The following RELA variants were observed in gnomAD, a reference collection of about 807,000 sequenced individuals.
The protein encoded by RELA is RELA proto-oncogene, NF-kB subunit, also known as transcription factor p65.
A neutral mutation model predicts 56.7 loss-of-function variants in RELA; 14 were observed. The ratio of observed to expected loss-of-function variants is 0.25; its 90% CI spans 0.16 to 0.39. The LOEUF (loss-of-function observed/expected upper bound fraction) is 0.39. RELA is among the 10% of genes least tolerant of loss of function. RELA has a pLI of 1.00. For synonymous variants in RELA, 315 were observed against 289.7 expected (o/e 1.09, Z -0.89); for missense variants, 559 against 736.4 (o/e 0.76, Z 2.79).
Position 65,658,273 on chromosome 11 carries a change from C to T in RELA, c.877+14G>A, listed in dbSNP as rs1038243151. The T allele has an allele frequency of 6.4e-7, 1 of 1,568,078 alleles. No homozygotes were observed. The highest frequency in any genetic ancestry group is 1.9e-5 in the Admixed American group (1 of 52,348). ...GAGCCCAGCTGCCCTGATGCTGCCA[C>T]CCCAGCTGTGTACCTGTATCTGGCA... On this transcript the variant is annotated intron_variant, in intron 8 of 10. Coordinates refer to ENST00000406246, the MANE Select transcript of RELA (RefSeq NM_021975.4). The surrounding 1 kb of genome is among the most constrained non-coding windows in gnomAD (Gnocchi z 4.5).
At chr11:65,659,521 C>G (rs1348384428) in intron 6 of RELA, 145 bp downstream of exon 6, 9 of 1,098,800 alleles carry the variant, frequency 8.2e-6, no homozygotes, top group South Asian at 7.2e-5. Context: ...CCCCAGCCAA[C>G]AAAGAGCTGG....
At chr11:65,656,574 C>T (rs1206200019) in intron 8 of RELA, among the ~76,000 whole-genome samples, 2 of 152,202 alleles carry the variant, frequency 1.3e-5, no homozygotes, top group African/African-American at 2.4e-5. Flanking sequence ...TCTCACTCCC[C>T]GCCAGTAACT....
In RELA at chr11:65,654,191, G is replaced by T; in HGVS notation, c.*187C>A. 2.5e-6 allele frequency: 2 copies of T among 789,146 alleles called. No individual in the cohort carries two copies. The highest frequency in any genetic ancestry group is 4.3e-6 in the Non-Finnish European group (2 of 463,056). 48.9% of individuals were successfully genotyped at this position (789,146 alleles called of 1,614,324 possible). Reference sequence around the variant, plus strand: ...CAGAGAAGTTAATGCTTCTGCTTAAGCACCTCCAAAAAGAGAGAGAGATAC... The same window carrying T: ...CAGAGAAGTTAATGCTTCTGCTTAATCACCTCCAAAAAGAGAGAGAGATAC... On this transcript the variant is annotated 3_prime_UTR_variant, in exon 11 of 11. Transcript: ENST00000406246.
chr11:65,655,503 T>C (rs766367328), intron 10 of RELA, 185 bp downstream of exon 10: 13 of 607,922 alleles, frequency 2.1e-5, no homozygotes, highest in Non-Finnish European at 3.2e-5. Context: ...AGAATTTAAG[T>C]GGCACGGTGG....
upstream of RELA, among the ~76,000 whole-genome samples, chr11:65,663,312 T>C (rs560590814): frequency 1.3e-5 from 2 of 152,326 alleles, no homozygotes; most frequent in East Asian, 1.9e-4. Flanking sequence ...CCGGGCCTTC[T>C]GCTCCGCAGA....
chr11:65,655,645 G>A lies in RELA; in HGVS notation c.1033+43C>T, dbSNP rs781641754. ...ATCTCCACTGCTCCTCAGCTGAACA[G>A]AGCTGAACCTGTCGTTCCAGTGGGA... On this transcript the variant is annotated intron_variant, in intron 10 of 10. Coordinates refer to ENST00000406246, the MANE Select transcript of RELA (RefSeq NM_021975.4). 8.6e-5 allele frequency: 135 copies of A among 1,571,594 alleles called. No individual in the cohort carries two copies. In the East Asian group the frequency reaches 3.0e-3, roughly 35 times the overall value.
At chr11:65,663,309 T>C (rs944236560), upstream of RELA, among the ~76,000 whole-genome samples, 2 of 152,198 alleles carry the variant, frequency 1.3e-5, no homozygotes, top group African/African-American at 4.8e-5. Context: ...CGACCGGGCC[T>C]TCTGCTCCGC....
chr11:65,656,031 T>C (rs1856419231), intron 8 of RELA, 96 bp from the exon 9 acceptor site: 2 of 1,005,722 alleles, frequency 2.0e-6, no homozygotes, highest in African/African-American at 3.2e-5. Context: ...GAGCCAGGCT[T>C]TCCCAAGACC....
chr11:65,656,466 A>T (rs1344806513), intron 8 of RELA, among the ~76,000 whole-genome samples: 2 of 152,168 alleles, frequency 1.3e-5, no homozygotes, highest in African/African-American at 4.8e-5. Context: ...CAACCTCATC[A>T]TCCCTCAAAA....
At chr11:65,655,567 A>G (rs1856400892) in intron 10 of RELA, 121 bp downstream of exon 10, 1 of 979,226 alleles carries the variant, frequency 1.0e-6, no homozygotes, top group Non-Finnish European at 1.6e-6. Context: ...TTCCTGCGCC[A>G]TCCTTTCAAA....
chr11:65,658,141 G>A lies in RELA; in HGVS notation c.877+146C>T. On this transcript the variant is annotated intron_variant, in intron 8 of 10. Coordinates refer to ENST00000406246, the MANE Select transcript of RELA (RefSeq NM_021975.4). This position sits in a 1 kb window ranked among gnomAD's most constrained non-coding sequence, Gnocchi z 4.5. Reference sequence around the variant, plus strand: ...GTCTGAGGTATCATTATTATTAAATGAGGCAAGAAATGGATTCCAGTTTCT... The same window carrying A: ...GTCTGAGGTATCATTATTATTAAATAAGGCAAGAAATGGATTCCAGTTTCT... 1.6e-6 allele frequency: 1 copy of A among 607,992 alleles called. No homozygotes were observed. The highest frequency in any genetic ancestry group is 2.9e-6 in the Non-Finnish European group (1 of 344,536). 37.7% of individuals were successfully genotyped at this position (607,992 alleles called of 1,614,324 possible). A position where few individuals can be genotyped will look rare whatever the true frequency, so the allele number is the denominator to read the frequency against.
At chr11:65,657,216 A>G (rs918865563) in intron 8 of RELA, among the ~76,000 whole-genome samples, 2 of 152,180 alleles carry the variant, frequency 1.3e-5, no homozygotes, top group Non-Finnish European at 2.9e-5. Context: ...CAGAGGCAAC[A>G]GCTAGACACA....
rs1452296658 is a variant in RELA at position 65,658,770 on chromosome 11, G to A, written c.612C>T (p.Gly204=). 6.2e-7 allele frequency: 1 copy of A among 1,614,134 alleles called. No homozygotes were observed. The highest frequency in any genetic ancestry group is 8.5e-7 in the Non-Finnish European group (1 of 1,180,032). ...LKICRVNRNS[G]SCLGGDEIFL... is the part of the protein sequence containing the mutation. Reference sequence around the variant, plus strand: ...AGATCTCATCCCCACCGAGGCAGCTGCCAGAGTTTCGGTTCACTCGGCAGA... The same window carrying A: ...AGATCTCATCCCCACCGAGGCAGCTACCAGAGTTTCGGTTCACTCGGCAGA... The change falls in exon 7 of 11, where the codon GGC becomes GGT. Residue 204 remains glycine, a synonymous_variant. Transcript: ENST00000406246. The surrounding 1 kb of genome is among the most constrained non-coding windows in gnomAD (Gnocchi z 4.5).
chr11:65,654,841 G>T lies in RELA; in HGVS notation c.1193C>A (p.Ala398Asp). 6.4e-7 allele frequency: 1 copy of T among 1,555,232 alleles called. No homozygotes were observed. The highest frequency in any genetic ancestry group is 8.7e-7 in the Non-Finnish European group (1 of 1,146,474). The change falls in exon 11 of 11, where the codon GCC becomes GAC. Residue 398 changes from alanine to aspartate, a missense_variant. Ala to Asp is a moderately radical substitution (Grantham distance 126). Coordinates refer to ENST00000406246, the MANE Select transcript of RELA (RefSeq NM_021975.4). ...PQAPAPAPAP[A>D]MVSALAQAPA... ...GGCCTGGGCCAGAGCTGATACCATG[G>T]CTGGAGCAGGGGCAGGGGCTGGAGC...
At chr11:65,659,363 T>C (rs1280032227) in intron 6 of RELA, among the ~76,000 whole-genome samples, 1 of 152,164 alleles carries the variant, frequency 6.6e-6, no homozygotes, top group East Asian at 1.9e-4. Context: ...GGAGTTCATT[T>C]CCTAGAGTCA....
At chr11:65,656,640 G>A (rs866576314) in intron 8 of RELA, among the ~76,000 whole-genome samples, 2 of 152,222 alleles carry the variant, frequency 1.3e-5, no homozygotes, top group South Asian at 2.1e-4. Flanking sequence ...AGACACTGGG[G>A]ATGTGGCCGT....
intron 10 of RELA, 33 bp from the exon 11 acceptor site, chr11:65,655,033 A>C (rs562560062): frequency 6.5e-7 from 1 of 1,529,966 alleles, no homozygotes; most frequent in Admixed American, 1.9e-5. Context: ...CAGGGGTCAG[A>C]GAAAGCCCTA....
rs1322562136 is a variant in RELA, at chr11:65,662,860, G to A, written c.-28C>T. 7.6e-6 allele frequency: 9 copies of A among 1,191,142 alleles called. No individual in the cohort carries two copies. Among genetic ancestry groups the A allele is most frequent in the Non-Finnish European group, 9.4e-6 (9 of 961,748 alleles). The allele number at this position is 1,191,142 out of a possible 1,614,324, so 73.8% of individuals were successfully genotyped here. On this transcript the variant is annotated 5_prime_UTR_variant, in exon 1 of 11. Transcript: ENST00000406246. The stretch of plus-strand genomic sequence containing the variant: ...CCGGGGTCCCGGGGGCGGGGCCGGG[G>A]TCGCAGCTGGGCCCGCGGCGTGCAC...
Position 65,654,186 on chromosome 11 carries a change from C to T in RELA, c.*192G>A, listed in dbSNP as rs1273004444. The T allele has an allele frequency of 7.7e-6, 6 of 775,862 alleles. No homozygotes were observed. Among genetic ancestry groups the T allele is most frequent in the Non-Finnish European group, 1.3e-5 (6 of 453,036 alleles). The allele number at this position is 775,862 out of a possible 1,614,324, so 48.1% of individuals were successfully genotyped here. On this transcript the variant is annotated 3_prime_UTR_variant, in exon 11 of 11. Transcript: ENST00000406246. The stretch of plus-strand genomic sequence containing the variant: ...CTTTCCAGAGAAGTTAATGCTTCTG[C>T]TTAAGCACCTCCAAAAAGAGAGAGA...
Sources: gnomAD v4.1 joint callset for allele counts (sites outside exome capture counted in the v4.1 genomes callset) on GRCh38, gnomAD v4.1.1 for gene constraint, Gnocchi (gnomAD v3.1) non-coding constraint, MANE v1.5 for transcripts, NCBI Gene and HGNC (gene_info 2026-07-23, HGNC 2026-07-21) for gene names.